SLC39A11: variants seen among roughly 807,000 people sequenced by gnomAD.
The protein encoded by SLC39A11 is solute carrier family 39 member 11.
In SLC39A11, 33 loss-of-function variants were observed where a neutral mutation model predicts 36.1. The ratio of observed to expected loss-of-function variants is 0.91; its 90% CI spans 0.69 to 1.22. SLC39A11 has a LOEUF of 1.22. Among genes scored for constraint, SLC39A11 ranks in the 50% most tolerant of loss-of-function variants. The pLI is 0.00. For synonymous variants in SLC39A11, 166 were observed against 170.3 expected, an observed-to-expected ratio of 0.97 and a Z score of 0.20; for missense variants, 432 against 430.3, an observed-to-expected ratio of 1.00 and a Z score of -0.03.
At chr17:73,082,369 G>A (rs750458591) in intron 3 of SLC39A11, among the ~76,000 whole-genome samples, 10 of 151,658 alleles carry the variant, frequency 6.6e-5, no homozygotes, top group Non-Finnish European at 1.3e-4. Flanking sequence ...TAGTGAATGG[G>A]GCTTTATTCT....
chr17:72,932,740 A>G (rs972023662), intron 5 of SLC39A11, among the ~76,000 whole-genome samples: 9 of 152,156 alleles, frequency 5.9e-5, no homozygotes. Context: ...CATTGAGAGC[A>G]TACAATATAC....
chr17:72,887,196 G>T (rs574848264), intron 5 of SLC39A11, among the ~76,000 whole-genome samples: 9 of 152,310 alleles, frequency 5.9e-5, no homozygotes, highest in African/African-American at 2.2e-4. Flanking sequence ...CCCATCAGAT[G>T]AGTGAGTGAA....
At chr17:73,055,961 G>A (rs1009076574) in intron 3 of SLC39A11, among the ~76,000 whole-genome samples, 6 of 152,124 alleles carry the variant, frequency 3.9e-5, no homozygotes, top group African/African-American at 1.2e-4. Context: ...TTTTTGAATC[G>A]TAAATAAAGG....
At chr17:72,929,519 G>A (rs1025175917) in intron 5 of SLC39A11, among the ~76,000 whole-genome samples, 2 of 151,974 alleles carry the variant, frequency 1.3e-5, no homozygotes, top group East Asian at 3.9e-4. Context: ...GCCACTTCAC[G>A]GAGTCTACAC....
At chr17:72,740,212 G>A (rs1273526915) in intron 6 of SLC39A11, among the ~76,000 whole-genome samples, 5 of 151,464 alleles carry the variant, frequency 3.3e-5, no homozygotes, top group African/African-American at 9.7e-5. Context: ...ACAGGCGCCC[G>A]CCACCACGCC....
chr17:72,883,513 C>G (rs2081306612), intron 5 of SLC39A11, among the ~76,000 whole-genome samples: 1 of 152,128 alleles, frequency 6.6e-6, no homozygotes, highest in African/African-American at 2.4e-5. Context: ...TTCATGGTGG[C>G]AGAAGCTAGC....
intron 5 of SLC39A11, among the ~76,000 whole-genome samples, chr17:72,861,688 T>TAA (rs1555605494): frequency 1.5e-3 from 133 of 88,782 alleles, no homozygotes; most frequent in Middle Eastern, 0.012. Flanking sequence ...TATATATATA[T>TAA]AAAATATATA....
chr17:72,722,991 C>T (rs551472929), intron 7 of SLC39A11, among the ~76,000 whole-genome samples: 11 of 152,270 alleles, frequency 7.2e-5, no homozygotes, highest in Admixed American at 4.6e-4. Flanking sequence ...TGGCGGTCTA[C>T]GATTGCATCT....
At chr17:72,770,883 C>T (rs2075909452) in intron 6 of SLC39A11, among the ~76,000 whole-genome samples, 1 of 152,184 alleles carries the variant, frequency 6.6e-6, no homozygotes, top group South Asian at 2.1e-4. Context: ...TGAACACATG[C>T]ACAGCTTGCA....
At chr17:72,893,025 T>C in intron 5 of SLC39A11, among the ~76,000 whole-genome samples, 1 of 152,294 alleles carries the variant, frequency 6.6e-6, no homozygotes, top group South Asian at 2.1e-4. Flanking sequence ...TCAAATACTG[T>C]GCCAATCAGA....
chr17:72,790,381 G>A (rs1473626067), intron 6 of SLC39A11, among the ~76,000 whole-genome samples: 1 of 152,104 alleles, frequency 6.6e-6, no homozygotes, highest in South Asian at 2.1e-4. Context: ...CAACAAAACC[G>A]CACCCTTCTG....
chr17:72,990,943 A>G (rs2089133165), intron 4 of SLC39A11, among the ~76,000 whole-genome samples: 1 of 152,222 alleles, frequency 6.6e-6, no homozygotes, highest in South Asian at 2.1e-4. Context: ...GTCAAATACA[A>G]TTCGTTTTTC....
Position 72,941,352 on chromosome 17 carries a change from G to A in SLC39A11, c.430+6400C>T, listed in dbSNP as rs368458601. Among the ~76,000 whole-genome samples, 64 of 152,266 alleles carry A rather than the reference G, an allele frequency of 4.2e-4. 1 individual carries two copies. Among genetic ancestry groups the A allele is most frequent in the African/African-American group, 1.5e-3 (61 of 41,562 alleles). ...AAGGAGAAAGGCCTCAGAAGAAACC[G>A]ACCAATCTTGCCAACTATTAGTCTT... is the stretch of plus-strand genomic sequence containing the variant. On this transcript the variant is annotated intron_variant, in intron 5 of 9. Coordinates refer to ENST00000255559, the MANE Select transcript of SLC39A11 (RefSeq NM_139177.4).
intron 4 of SLC39A11, among the ~76,000 whole-genome samples, chr17:73,027,116 T>C (rs2058583857): frequency 6.6e-6 from 1 of 152,178 alleles, no homozygotes; most frequent in African/African-American, 2.4e-5. Flanking sequence ...AGCAAGACCC[T>C]GTCTCAAATA....
intron 4 of SLC39A11, among the ~76,000 whole-genome samples, chr17:72,984,767 A>T (rs750928100): frequency 3.9e-5 from 6 of 152,242 alleles, no homozygotes; most frequent in Non-Finnish European, 7.3e-5. Context: ...GTGTGCCACA[A>T]AGTATTTTAT....
chr17:73,053,764 C>T lies in SLC39A11; in HGVS notation c.148-22050G>A, dbSNP rs181439006. On this transcript the variant is annotated intron_variant, in intron 3 of 9. Transcript: ENST00000255559. ...GCCCATGGTGCCGACCGCCCCCTGC[C>T]CTGAGCTCACCCCACGCAGCTGATG... is the stretch of plus-strand genomic sequence containing the variant. 1.0e-3 allele frequency among the ~76,000 whole-genome samples: 155 copies of T among 152,284 alleles called. No homozygotes were observed. The Middle Eastern group carries it at 0.01, about 10-fold the overall frequency.
intron 4 of SLC39A11, among the ~76,000 whole-genome samples, chr17:73,017,280 T>C (rs1001600791): frequency 6.6e-6 from 1 of 152,142 alleles, no homozygotes; most frequent in South Asian, 2.1e-4. Flanking sequence ...TAGACAATAA[T>C]AGACTATGCA....
chr17:72,869,298 A>G (rs1448706829), intron 5 of SLC39A11, among the ~76,000 whole-genome samples: 5 of 152,204 alleles, frequency 3.3e-5, no homozygotes, highest in Non-Finnish European at 7.3e-5. Context: ...AGCTTCTCAA[A>G]CCTTGTGCAT....
At chr17:73,050,654 A>G (rs2059466336) in intron 3 of SLC39A11, among the ~76,000 whole-genome samples, 1 of 152,052 alleles carries the variant, frequency 6.6e-6, no homozygotes, top group Non-Finnish European at 1.5e-5. Context: ...TACTAGAGAC[A>G]GGGTTTCACC....
Sources: allele counts gnomAD v4.1 joint callset (sites outside exome capture counted in the v4.1 genomes callset), GRCh38; gene constraint gnomAD v4.1.1; transcripts MANE v1.5; gene names NCBI Gene and HGNC (gene_info 2026-07-23, HGNC 2026-07-21).